The following GLIS1 variants were observed in gnomAD, a reference collection of about 807,000 sequenced individuals.
The protein encoded by GLIS1 is zinc finger protein GLIS1.
GLIS1 carries 24 observed loss-of-function variants against 63.8 expected under a neutral mutation model. That is an observed-to-expected ratio of 0.38 (90% CI 0.27 to 0.53). GLIS1 has a LOEUF of 0.53. Among genes scored for constraint, GLIS1 ranks in the 20% least tolerant of loss-of-function variants. The probability of loss-of-function intolerance (pLI) is 0.85; values close to 1 mark genes in which losing one functional copy is unlikely to be tolerated. For synonymous variants in GLIS1, 450 were observed against 482.5 expected, an observed-to-expected ratio of 0.93 and a Z score of 0.88; for missense variants, 1,036 against 1,074.1, an observed-to-expected ratio of 0.96 and a Z score of 0.50.
chr1:53,682,631 G>C (rs543706388), intron 2 of GLIS1, among the ~76,000 whole-genome samples: 9 of 152,346 alleles, frequency 5.9e-5, no homozygotes, highest in African/African-American at 1.9e-4. Flanking sequence ...CAATAACGCA[G>C]AGCCAAGGGG....
chr1:53,702,104 G>A (rs1348949071), intron 2 of GLIS1, among the ~76,000 whole-genome samples: 3 of 151,426 alleles, frequency 2.0e-5, no homozygotes, highest in East Asian at 1.9e-4. Context: ...CAGGCTTCCC[G>A]TGTCCCCCCT....
chr1:53,641,534 T>G (rs1645787072), intron 2 of GLIS1, among the ~76,000 whole-genome samples: 1 of 152,160 alleles, frequency 6.6e-6, no homozygotes, highest in South Asian at 2.1e-4. Context: ...CTTGAAGAAC[T>G]CACTTGCCCT....
intron 4 of GLIS1, among the ~76,000 whole-genome samples, chr1:53,589,070 G>A (rs1374360556): frequency 6.6e-6 from 1 of 152,216 alleles, no homozygotes; most frequent in East Asian, 1.9e-4. Context: ...TTGGCAGACT[G>A]TGTGATCTTG....
chr1:53,601,538 T>G (rs1185010812), intron 2 of GLIS1, among the ~76,000 whole-genome samples: 3 of 152,212 alleles, frequency 2.0e-5, no homozygotes, highest in African/African-American at 7.2e-5. Flanking sequence ...CCGAGCAGCC[T>G]GTGCAGGACC....
In GLIS1 at chr1:53,657,364, A is replaced by G. The variant is rs181862513; in HGVS notation, c.260-57086T>C. On this transcript the variant is annotated intron_variant, in intron 2 of 10. Coordinates refer to ENST00000628545, the MANE Select transcript of GLIS1 (RefSeq NM_001367484.1). ...CAGAGGACTCAGATCTCCAAGGGAG[A>G]TGGGTAAGAGGGATTAAGATGACCA... Among the ~76,000 whole-genome samples, 712 of 152,194 alleles carry G rather than the reference A, an allele frequency of 4.7e-3. 1 individual carries two copies. The highest frequency in any genetic ancestry group is 7.5e-3 in the Non-Finnish European group (512 of 67,990).
chr1:53,535,674 C>T (rs958875941), intron 4 of GLIS1, among the ~76,000 whole-genome samples: 5 of 152,056 alleles, frequency 3.3e-5, no homozygotes, highest in Non-Finnish European at 5.9e-5. Context: ...TCTTCTTATC[C>T]ACCCACTGCC....
intron 2 of GLIS1, among the ~76,000 whole-genome samples, chr1:53,640,141 G>C (rs976430000): frequency 2.6e-5 from 4 of 152,200 alleles, no homozygotes; most frequent in African/African-American, 9.6e-5. Flanking sequence ...CTGTGCAGCA[G>C]GATGGGACAA....
chr1:53,651,534 T>G (rs1645907383), intron 2 of GLIS1, among the ~76,000 whole-genome samples: 1 of 152,148 alleles, frequency 6.6e-6, no homozygotes, highest in Non-Finnish European at 1.5e-5. Flanking sequence ...GACTGCCTCT[T>G]GGGTGCCAAG....
Position 53,539,751 on chromosome 1 carries a change from G to A in GLIS1, c.1321-9799C>T, listed in dbSNP as rs1046038972. On this transcript the variant is annotated intron_variant, in intron 4 of 10. Transcript: ENST00000628545. The surrounding 1 kb of genome is among the most constrained non-coding windows in gnomAD (Gnocchi z 5.0). ...GCCCCACGCATAGCACAGCACACGT[G>A]GAAACTGGCCACCTGGAACATGGAT... Among the ~76,000 whole-genome samples, 4 of 152,100 alleles carry A rather than the reference G, an allele frequency of 2.6e-5. No homozygotes were observed. The highest frequency in any genetic ancestry group is 4.4e-5 in the Non-Finnish European group (3 of 68,022).
intron 2 of GLIS1, among the ~76,000 whole-genome samples, chr1:53,656,032 C>T (rs1349214688): frequency 6.6e-6 from 1 of 152,244 alleles, no homozygotes; most frequent in African/African-American, 2.4e-5. Context: ...CTCTCCCCAT[C>T]ACCAGGGGCT....
intron 4 of GLIS1, among the ~76,000 whole-genome samples, chr1:53,554,059 G>C (rs1320961588): frequency 6.6e-6 from 1 of 152,194 alleles, no homozygotes; most frequent in Non-Finnish European, 1.5e-5. Context: ...TCTGGCTCCA[G>C]GCCCCTCGCC....
chr1:53,588,611 A>G (rs114568985), intron 4 of GLIS1, among the ~76,000 whole-genome samples: 1,799 of 152,288 alleles, frequency 0.012, 32 homozygotes, highest in African/African-American at 0.041. Flanking sequence ...AGATGTTGCA[A>G]TGGGTGAGGG....
intron 4 of GLIS1, among the ~76,000 whole-genome samples, chr1:53,565,411 G>A (rs61270422): frequency 0.053 from 8,047 of 151,838 alleles, 686 homozygotes; most frequent in African/African-American, 0.19. Flanking sequence ...TCATAGAAAC[G>A]AAGATAAAAT....
intron 2 of GLIS1, among the ~76,000 whole-genome samples, chr1:53,677,226 T>A (rs2100415910): frequency 6.6e-6 from 1 of 151,766 alleles, no homozygotes. Context: ...GGAGTTACGG[T>A]TGCTACATCC....
intron 2 of GLIS1, among the ~76,000 whole-genome samples, chr1:53,688,277 C>G (rs555261249): frequency 8.5e-5 from 13 of 152,344 alleles, no homozygotes; most frequent in Admixed American, 4.6e-4. Context: ...GGGATAAATC[C>G]GTCTGAGTCT....
chr1:53,682,575 T>C (rs753224496), intron 2 of GLIS1, among the ~76,000 whole-genome samples: 31 of 152,258 alleles, frequency 2.0e-4, no homozygotes, highest in Non-Finnish European at 3.5e-4. Context: ...AGCACTTCGC[T>C]TATTAGAATA....
Position 53,594,370 on chromosome 1 carries a change from C to T in GLIS1, c.1058G>A (p.Ser353Asn), listed in dbSNP as rs1322145790. The part of the protein sequence containing the change: ...YPLSQLPPGP[S>N]LGGLGLGLAG... ...CAGGCCCAGCCCCAGGCCTCCAAGG[C>T]TTGGGCCAGGCGGCAACTGAGACAG... Residue 353 changes from serine to asparagine, a missense_variant, in exon 4 of 11, where the codon AGC (serine) becomes AAC (asparagine). By Grantham distance (46) the Ser-to-Asn change is conservative. Around this residue, in one of 3 missense-constraint regions of GLIS1, gnomAD observed 592 missense variants for 593.9 expected, o/e 1.00. Transcript: ENST00000628545. 6.2e-7 allele frequency: 1 copy of T among 1,611,424 alleles called. No homozygotes were observed. Among genetic ancestry groups the T allele is most frequent in the Non-Finnish European group, 8.5e-7 (1 of 1,179,048 alleles).
intron 4 of GLIS1, among the ~76,000 whole-genome samples, chr1:53,579,762 T>C (rs1160304976): frequency 6.6e-6 from 1 of 152,104 alleles, no homozygotes; most frequent in Non-Finnish European, 1.5e-5. Context: ...CACCCCAGGG[T>C]GTGGCAACGG....
rs1255577895 is a variant in GLIS1, at chr1:53,539,465, C to T, written c.1321-9513G>A. 6.6e-6 allele frequency among the ~76,000 whole-genome samples: 1 copy of T among 150,698 alleles called. No homozygotes were observed. The highest frequency in any genetic ancestry group is 1.5e-5 in the Non-Finnish European group (1 of 67,600). The stretch of plus-strand genomic sequence containing the variant: ...CATCACAGCACACCCCCAATACATA[C>T]ACATCATACCTCCCACACACACGTA... On this transcript the variant is annotated intron_variant, in intron 4 of 10. Transcript: ENST00000628545. This position sits in a 1 kb window ranked among gnomAD's most constrained non-coding sequence, Gnocchi z 5.0.
Sources: gnomAD v4.1 joint callset for allele counts (sites outside exome capture counted in the v4.1 genomes callset) on GRCh38, gnomAD v4.1.1 for gene constraint, gnomAD v4.1.1 regional missense constraint, Gnocchi (gnomAD v3.1) non-coding constraint, MANE v1.5 for transcripts, NCBI Gene and HGNC (gene_info 2026-07-23, HGNC 2026-07-21) for gene names.